FOXP1: variants seen among roughly 807,000 people sequenced by gnomAD.
FOXP1 encodes the protein forkhead box protein P1.
FOXP1 carries 15 observed loss-of-function variants against 98.2 expected under a neutral mutation model. That is an observed-to-expected ratio of 0.15 (90% CI 0.10 to 0.24). The LOEUF (loss-of-function observed/expected upper bound fraction) is 0.24, where lower values mean the gene tolerates loss of function less well. FOXP1 is among the 10% of genes least tolerant of loss of function. FOXP1 has a pLI of 1.00. For missense variants in FOXP1, 633 were observed against 848.5 expected (o/e 0.75, Z 3.15); for synonymous variants, 371 against 314.5 (o/e 1.18, Z -1.90).
chr3:71,275,194 A>G (rs574871086), intron 5 of FOXP1, among the ~76,000 whole-genome samples: 37 of 152,308 alleles, frequency 2.4e-4, no homozygotes, highest in Non-Finnish European at 3.8e-4. Context: ...TATATTGGAG[A>G]TATTTCTGTA....
chr3:71,431,165 G>A (rs960905509), intron 3 of FOXP1, among the ~76,000 whole-genome samples: 5 of 152,112 alleles, frequency 3.3e-5, no homozygotes, highest in Non-Finnish European at 5.9e-5. Context: ...TGCAAAGACA[G>A]CACAGACAAA....
At chr3:71,269,506 T>C (rs1369188616) in intron 5 of FOXP1, among the ~76,000 whole-genome samples, 1 of 152,178 alleles carries the variant, frequency 6.6e-6, no homozygotes, top group African/African-American at 2.4e-5. Context: ...ATTACTGGCC[T>C]CCCCACTCTT....
At chr3:71,495,765 A>C (rs936589773) in intron 2 of FOXP1, among the ~76,000 whole-genome samples, 2 of 152,204 alleles carry the variant, frequency 1.3e-5, no homozygotes, top group African/African-American at 4.8e-5. Flanking sequence ...ATACCCTAAT[A>C]TAAAAGTCCT....
intron 5 of FOXP1, among the ~76,000 whole-genome samples, chr3:71,282,291 G>A (rs1030803620): frequency 6.6e-6 from 1 of 151,458 alleles, no homozygotes; most frequent in African/African-American, 2.4e-5. Context: ...TTCTATTTTG[G>A]GCCAAAAGAC....
intron 11 of FOXP1, among the ~76,000 whole-genome samples, chr3:71,020,319 A>G (rs1023214330): frequency 5.3e-5 from 8 of 152,212 alleles, no homozygotes; most frequent in Non-Finnish European, 1.0e-4. Context: ...GTCATTTTCA[A>G]TGACAGTTAA....
At chr3:71,085,750 A>T (rs868454050) in intron 7 of FOXP1, among the ~76,000 whole-genome samples, 21 of 1,370 alleles carry the variant, frequency 0.015, no homozygotes, top group East Asian at 0.029. Flanking sequence ...TTTTTTTTTT[A>T]CATGGAGTCT....
chr3:71,551,913 C>T (rs987776154), intron 2 of FOXP1, among the ~76,000 whole-genome samples: 1 of 152,170 alleles, frequency 6.6e-6, no homozygotes, highest in Non-Finnish European at 1.5e-5. Context: ...GCATCAATCA[C>T]CTCTAAACCA....
At chr3:71,313,830 T>C (rs1324425745) in intron 4 of FOXP1, among the ~76,000 whole-genome samples, 1 of 152,130 alleles carries the variant, frequency 6.6e-6, no homozygotes, top group Non-Finnish European at 1.5e-5. Flanking sequence ...CGGTCGAGTA[T>C]CTGTATTTCT....
Position 71,198,338 on chromosome 3 carries a change from G to A in FOXP1, c.44C>T (p.Ala15Val), listed in dbSNP as rs532329866. 365 of 1,585,938 alleles carry A rather than the reference G, an allele frequency of 2.3e-4. No homozygotes were observed. Among genetic ancestry groups the A allele is most frequent in the Non-Finnish European group, 2.8e-4 (324 of 1,163,832 alleles). Reference sequence around the variant, plus strand: ...GCTGCCGCCCGACCCATTCTGGATGGCTGAACCGTTACTTTTTGTCTCAGT... The same window carrying A: ...GCTGCCGCCCGACCCATTCTGGATGACTGAACCGTTACTTTTTGTCTCAGT... ...SGTETKSNGS[A>V]IQNGSGGSNH... The change falls in exon 6 of 21, where the codon GCC (alanine) becomes GTC (valine). Residue 15 changes from alanine (A) to valine (V), a missense_variant. Ala to Val is a moderately conservative substitution (Grantham distance 64, BLOSUM62 0). Transcript: ENST00000649528.
intron 5 of FOXP1, among the ~76,000 whole-genome samples, chr3:71,286,806 G>A (rs1250774281): frequency 2.6e-5 from 4 of 152,150 alleles, no homozygotes; most frequent in South Asian, 2.1e-4. Context: ...ACACATGTAC[G>A]CAGAGCCAAG....
chr3:71,280,126 C>CAA (rs56674677), intron 5 of FOXP1, among the ~76,000 whole-genome samples: 312 of 106,172 alleles, frequency 2.9e-3, no homozygotes, highest in Non-Finnish European at 3.6e-3. Flanking sequence ...CTGTCTCAAA[C>CAA]AAAAAAAAAA....
At chr3:71,293,465 C>A (rs868613152) in intron 5 of FOXP1, among the ~76,000 whole-genome samples, 1 of 150,992 alleles carries the variant, frequency 6.6e-6, no homozygotes, top group Non-Finnish European at 1.5e-5. Context: ...GCAACACAGC[C>A]AGACCCCATT....
intron 6 of FOXP1, among the ~76,000 whole-genome samples, chr3:71,144,555 C>T (rs1477028551): frequency 1.3e-5 from 2 of 152,134 alleles, no homozygotes; most frequent in African/African-American, 4.8e-5. Flanking sequence ...GGGCAAAAGG[C>T]TGAGCGTGAT....
At chr3:70,978,551 A>T (rs1034506208) in intron 14 of FOXP1, among the ~76,000 whole-genome samples, 4 of 152,192 alleles carry the variant, frequency 2.6e-5, no homozygotes, top group Admixed American at 6.5e-5. Flanking sequence ...AAACTTTAAT[A>T]AATGTAAATG....
chr3:71,419,139 G>A (rs1229239459), intron 3 of FOXP1, among the ~76,000 whole-genome samples: 1 of 148,170 alleles, frequency 6.7e-6, no homozygotes, highest in African/African-American at 2.5e-5. Context: ...GGAGGCTGAG[G>A]CAGAAGAATC....
At chr3:71,441,508 G>A (rs2085938117) in intron 3 of FOXP1, among the ~76,000 whole-genome samples, 1 of 152,248 alleles carries the variant, frequency 6.6e-6, no homozygotes, top group African/African-American at 2.4e-5. Flanking sequence ...AGGCAGTGGA[G>A]TGAGTAGTCA....
intron 5 of FOXP1, among the ~76,000 whole-genome samples, chr3:71,230,319 G>C (rs1447602970): frequency 6.6e-6 from 1 of 152,072 alleles, no homozygotes; most frequent in Non-Finnish European, 1.5e-5. Context: ...AAATTCTAAG[G>C]GCATGTGGTG....
chr3:71,118,135 G>C (rs1364643510), intron 6 of FOXP1, among the ~76,000 whole-genome samples: 2 of 152,186 alleles, frequency 1.3e-5, no homozygotes, highest in Admixed American at 1.3e-4. Flanking sequence ...TCAGCACTCA[G>C]AGCCAGTGAG....
chr3:71,267,891 G>A (rs2069859590), intron 5 of FOXP1, among the ~76,000 whole-genome samples: 2 of 151,690 alleles, frequency 1.3e-5, no homozygotes. Flanking sequence ...GGTAGTGGGT[G>A]CCTGTAATCC....
Sources: gnomAD v4.1 joint callset for allele counts (sites outside exome capture counted in the v4.1 genomes callset) on GRCh38, gnomAD v4.1.1 for gene constraint, MANE v1.5 for transcripts, NCBI Gene and HGNC (gene_info 2026-07-23, HGNC 2026-07-21) for gene names.